VCAN: variants seen among roughly 807,000 people sequenced by gnomAD.
The protein encoded by VCAN is versican.
Under a neutral mutation model 245.5 loss-of-function variants are expected in VCAN, and 44 were observed. The ratio of observed to expected loss-of-function variants is 0.18; its 90% CI spans 0.14 to 0.23. The LOEUF is 0.23. VCAN is among the 10% of genes least tolerant of loss of function. VCAN has a pLI of 1.00. For synonymous variants in VCAN, 1,413 were observed against 1,437.0 expected, an observed-to-expected ratio of 0.98 and a Z score of 0.38; for missense variants, 3,793 against 4,057.9, an observed-to-expected ratio of 0.93 and a Z score of 1.77.
rs1276606678 is a variant in VCAN at position 83,522,204 on chromosome 5, G to T, written c.3898G>T (p.Glu1300Ter). The change falls in exon 7 of 15, where the codon GAG becomes TAG. Residue 1300 changes from glutamate to a stop codon, truncating the protein, a stop_gained. Coordinates refer to ENST00000265077, the MANE Select transcript of VCAN (RefSeq NM_004385.5). LOFTEE classifies it high-confidence loss of function. Reference sequence around the variant, plus strand: ...AAGACCACCCACTGTGGAAGACAAAGAGGCCTTTGGACCTCAGGCGCTTTC... The same window carrying T: ...AAGACCACCCACTGTGGAAGACAAATAGGCCTTTGGACCTCAGGCGCTTTC... ...PTRPPTVEDKEAFGPQALSTP... is the reference protein window; with the variant it reads ...PTRPPTVEDK The T allele has an allele frequency of 6.2e-7, 1 of 1,605,248 alleles. No individual in the cohort carries two copies. Among genetic ancestry groups the T allele is most frequent in the East Asian group, 2.2e-5 (1 of 44,876 alleles).
intron 11 of VCAN, among the ~76,000 whole-genome samples, chr5:83,554,180 TTCTTAAGAGGTAGTG>T (rs1200431638): frequency 6.6e-6 from 1 of 152,236 alleles, no homozygotes; most frequent in African/African-American, 2.4e-5. Flanking sequence ...ATAAAGCATT[TTCTTAAGAGGTAGTG>T]TCTTGCCATG....
At chr5:83,474,221 G>A (rs1744301235) in intron 1 of VCAN, among the ~76,000 whole-genome samples, 1 of 152,014 alleles carries the variant, frequency 6.6e-6, no homozygotes, top group African/African-American at 2.4e-5. Context: ...CGGGCAGTGG[G>A]AGGAAAAAAG....
In VCAN at chr5:83,522,237, C is replaced by T. The variant is rs1746137202; in HGVS notation, c.3931C>T (p.Gln1311Ter). ...TGGACCTCAGGCGCTTTCTACGCCA[C>T]AGCCCCCAGCAAGCACAAAATTTCA... The part of the protein sequence containing the change: ...AFGPQALSTP[Q>*]PPASTKFHPD... Residue 1311 changes from glutamine to a stop codon, truncating the protein, a stop_gained, in exon 7 of 15, where the codon CAG (glutamine) becomes TAG (stop). Coordinates refer to ENST00000265077, the MANE Select transcript of VCAN (RefSeq NM_004385.5). LOFTEE classifies it high-confidence loss of function. The T allele has an allele frequency of 1.2e-6, 2 of 1,600,728 alleles. No homozygotes were observed. The highest frequency in any genetic ancestry group is 1.7e-6 in the Non-Finnish European group (2 of 1,179,746).
intron 7 of VCAN, among the ~76,000 whole-genome samples, chr5:83,532,892 G>A (rs921057417): frequency 2.4e-4 from 37 of 151,840 alleles, no homozygotes; most frequent in African/African-American, 8.7e-4. Context: ...TTTTTCTGGG[G>A]ATCTAATATA....
At chr5:83,519,282 C>G (rs1745977650) in intron 6 of VCAN, 67 bp from the exon 7 acceptor site, 1 of 1,554,848 alleles carries the variant, frequency 6.4e-7, no homozygotes, top group Non-Finnish European at 8.8e-7. Flanking sequence ...GAGCACTTAA[C>G]AAACACTGGG....
At chr5:83,480,327 G>C (rs138698175) in intron 1 of VCAN, among the ~76,000 whole-genome samples, 128 of 152,176 alleles carry the variant, frequency 8.4e-4, no homozygotes, top group African/African-American at 2.8e-3. Context: ...CAAAGAGTTC[G>C]ATTTTTAGTA....
At chr5:83,578,516 A>G (rs1223102035) in intron 13 of VCAN, among the ~76,000 whole-genome samples, 1 of 152,078 alleles carries the variant, frequency 6.6e-6, no homozygotes, top group Non-Finnish European at 1.5e-5. Flanking sequence ...ATCCAGATTG[A>G]GGTCAAGCAG....
intron 10 of VCAN, among the ~76,000 whole-genome samples, chr5:83,549,974 T>C (rs1176944366): frequency 2.0e-5 from 3 of 152,216 alleles, no homozygotes; most frequent in Non-Finnish European, 4.4e-5. Flanking sequence ...ACGTTTTCTG[T>C]TCTCTGACTA....
chr5:83,563,134 T>G (rs1001075357), intron 12 of VCAN, among the ~76,000 whole-genome samples: 3 of 152,174 alleles, frequency 2.0e-5, no homozygotes, highest in African/African-American at 7.2e-5. Context: ...CAAACGTCTC[T>G]TTCTCCTTTA....
At chr5:83,476,890 C>T (rs938551954) in intron 1 of VCAN, among the ~76,000 whole-genome samples, 6 of 152,282 alleles carry the variant, frequency 3.9e-5, no homozygotes, top group African/African-American at 1.4e-4. Flanking sequence ...CATCTGTATA[C>T]ATCCTACCTC....
chr5:83,549,592 C>G (rs516027), intron 10 of VCAN, among the ~76,000 whole-genome samples: 71,780 of 151,584 alleles, frequency 0.47, 17,096 homozygotes, highest in Admixed American at 0.5. Flanking sequence ...TTATCTGATG[C>G]ATTGAGTGGC....
chr5:83,485,835 C>G (rs1176529356), intron 2 of VCAN, among the ~76,000 whole-genome samples: 1 of 152,156 alleles, frequency 6.6e-6, no homozygotes, highest in African/African-American at 2.4e-5. Context: ...TGCAGTGGAT[C>G]ATGCCTGTAA....
Position 83,540,601 on chromosome 5 carries a change from A to C in VCAN, c.7598A>C (p.Lys2533Thr). The change falls in exon 8 of 15, where the codon AAA (lysine) becomes ACA (threonine). Residue 2533 changes from lysine to threonine, a missense_variant. Transcript: ENST00000265077. Reference sequence around the variant, plus strand: ...AGGGAATTCGAGGATTCCACCTTAAAACCTAACAGAAAAAAACCCACTGAA... The same window carrying C: ...AGGGAATTCGAGGATTCCACCTTAACACCTAACAGAAAAAAACCCACTGAA... ...RFREFEDSTLKPNRKKPTENI... is the reference protein window; with the variant it reads ...RFREFEDSTLTPNRKKPTENI... 6.2e-7 allele frequency: 1 copy of C among 1,613,892 alleles called. No individual in the cohort carries two copies. Among genetic ancestry groups the C allele is most frequent in the Non-Finnish European group, 8.5e-7 (1 of 1,179,940 alleles).
intron 12 of VCAN, among the ~76,000 whole-genome samples, chr5:83,568,323 TAG>T (rs988709599): frequency 6.6e-6 from 1 of 152,140 alleles, no homozygotes; most frequent in African/African-American, 2.4e-5. Context: ...TATGAGGTAA[TAG>T]TGTGACATGC....
Position 83,520,933 on chromosome 5 carries a change from A to G in VCAN, c.2627A>G (p.His876Arg), listed in dbSNP as rs1326245795. Residue 876 changes from histidine (H) to arginine (R), a missense_variant, in exon 7 of 15, where the codon CAT becomes CGT. Transcript: ENST00000265077. ...GTTACTGATGAAGACATAGCAGCCC[A>G]TGGAAAATTCACAATTAGATTTCAG... The part of the protein sequence containing the change: ...EEVTDEDIAA[H>R]GKFTIRFQPT... The G allele has an allele frequency of 1.2e-6, 2 of 1,614,162 alleles. No homozygotes were observed. Among genetic ancestry groups the G allele is most frequent in the South Asian group, 1.1e-5 (1 of 91,086 alleles).
At chr5:83,562,545 C>A (rs1429162594) in intron 12 of VCAN, among the ~76,000 whole-genome samples, 1 of 152,074 alleles carries the variant, frequency 6.6e-6, no homozygotes, top group Admixed American at 6.6e-5. Context: ...AGATTTAGTG[C>A]AGTAGCATCT....
intron 10 of VCAN, among the ~76,000 whole-genome samples, chr5:83,549,966 G>A (rs998590823): frequency 2.0e-5 from 3 of 152,148 alleles, no homozygotes; most frequent in African/African-American, 7.2e-5. Flanking sequence ...TTCAGCTGAC[G>A]TTTTCTGTTC....
At position 83,490,420 on chromosome 5, in the gene VCAN, C is replaced by T. The variant is rs35042106; in HGVS notation, c.393C>T (p.Asp131=). 0.012 allele frequency: 19,616 copies of T among 1,614,104 alleles called. 542 individuals carry two copies. Among genetic ancestry groups the T allele is most frequent in the Admixed American group, 0.091 (5,483 of 60,010 alleles). ...GTGATGCGGGTCTTTACCGCTGTGA[C>T]GTCATGTACGGGATTGAAGACACAC... ...LASDAGLYRC[D]VMYGIEDTQD... is the part of the protein sequence containing the mutation. The change falls in exon 3 of 15, where the codon GAC becomes GAT. Residue 131 remains aspartate, a synonymous_variant. Coordinates refer to ENST00000265077, the MANE Select transcript of VCAN (RefSeq NM_004385.5).
chr5:83,566,893 CT>C (rs1368776704), intron 12 of VCAN, among the ~76,000 whole-genome samples: 4 of 152,176 alleles, frequency 2.6e-5, no homozygotes, highest in Non-Finnish European at 5.9e-5. Flanking sequence ...CAATGAATAG[CT>C]TCAGTCTGCT....
Sources: gnomAD v4.1 joint callset for allele counts (sites outside exome capture counted in the v4.1 genomes callset) on GRCh38, gnomAD v4.1.1 for gene constraint, MANE v1.5 for transcripts, NCBI Gene and HGNC (gene_info 2026-07-23, HGNC 2026-07-21) for gene names.